FMNL2: variants seen among roughly 807,000 people sequenced by gnomAD.
FMNL2 encodes formin-like protein 2.
A neutral mutation model predicts 130.2 loss-of-function variants in FMNL2; 51 were observed. The ratio of observed to expected loss-of-function variants is 0.39; its 90% CI spans 0.31 to 0.49. The LOEUF (loss-of-function observed/expected upper bound fraction) is 0.49. Among genes scored for constraint, FMNL2 ranks in the 20% least tolerant of loss-of-function variants. The probability of loss-of-function intolerance (pLI) is 0.85; values close to 1 mark genes in which losing one functional copy is unlikely to be tolerated. For missense variants in FMNL2, 977 were observed against 1,316.2 expected (o/e 0.74, Z 3.99); for synonymous variants, 465 against 467.1 (o/e 1.00, Z 0.06).
intron 1 of FMNL2, among the ~76,000 whole-genome samples, chr2:152,373,414 C>A (rs538512735): frequency 2.7e-4 from 41 of 152,132 alleles, no homozygotes; most frequent in African/African-American, 9.4e-4. Context: ...TTCTGAAGCA[C>A]TTTAGTTCAA....
chr2:152,564,084 C>T (rs11891914), intron 6 of FMNL2, among the ~76,000 whole-genome samples: 1,793 of 152,154 alleles, frequency 0.012, 27 homozygotes, highest in African/African-American at 0.038. Flanking sequence ...CTTTGATACA[C>T]TCTGTTATCA....
At chr2:152,518,847 A>G (rs186593954) in intron 1 of FMNL2, among the ~76,000 whole-genome samples, 75 of 152,222 alleles carry the variant, frequency 4.9e-4, no homozygotes, top group African/African-American at 1.8e-3. Context: ...TCCTCATAGC[A>G]CCTATTGTTA....
At chr2:152,453,116 C>T (rs1688738748) in intron 1 of FMNL2, among the ~76,000 whole-genome samples, 1 of 151,238 alleles carries the variant, frequency 6.6e-6, no homozygotes, top group Non-Finnish European at 1.5e-5. Context: ...GCAGGAGAAT[C>T]ACTTGAACCC....
At chr2:152,575,272 A>G in intron 7 of FMNL2, 28 bp downstream of exon 7, 1 of 1,438,506 alleles carries the variant, frequency 7.0e-7, no homozygotes, top group Non-Finnish European at 9.6e-7. Flanking sequence ...GTTCTTTTAA[A>G]AAAAACCTGA....
intron 1 of FMNL2, among the ~76,000 whole-genome samples, chr2:152,437,169 C>G (rs1225746357): frequency 6.6e-6 from 1 of 152,086 alleles, no homozygotes; most frequent in Non-Finnish European, 1.5e-5. Context: ...TCCCAGAGGC[C>G]CCATCTCAAA....
At chr2:152,512,100 T>C (rs1309362769) in intron 1 of FMNL2, among the ~76,000 whole-genome samples, 15 of 152,198 alleles carry the variant, frequency 9.9e-5, no homozygotes. Flanking sequence ...AGGAGTTTTC[T>C]AGCATCTCAA....
intron 1 of FMNL2, among the ~76,000 whole-genome samples, chr2:152,480,421 G>C (rs188150529): frequency 6.6e-6 from 1 of 151,972 alleles, no homozygotes; most frequent in Non-Finnish European, 1.5e-5. Flanking sequence ...ACCTGCGGTC[G>C]GAGTCCAGAA....
At chr2:152,423,216 A>G (rs1341009930) in intron 1 of FMNL2, among the ~76,000 whole-genome samples, 2 of 152,226 alleles carry the variant, frequency 1.3e-5, no homozygotes, top group African/African-American at 4.8e-5. Context: ...TAATCAAACA[A>G]TATAGCACTC....
intron 1 of FMNL2, among the ~76,000 whole-genome samples, chr2:152,498,744 T>C (rs1050522448): frequency 5.9e-5 from 9 of 152,194 alleles, no homozygotes; most frequent in Non-Finnish European, 1.3e-4. Flanking sequence ...CACCACCCTT[T>C]TTCTTTAAAA....
intron 10 of FMNL2, among the ~76,000 whole-genome samples, chr2:152,610,827 T>A (rs1698636446): frequency 6.6e-6 from 1 of 152,260 alleles, no homozygotes; most frequent in Non-Finnish European, 1.5e-5. Flanking sequence ...CTGGGTCATA[T>A]GATAATGCTG....
intron 1 of FMNL2, among the ~76,000 whole-genome samples, chr2:152,416,627 G>A (rs572223506): frequency 6.6e-6 from 1 of 152,326 alleles, no homozygotes; most frequent in African/African-American, 2.4e-5. Context: ...ACAGTTGAAA[G>A]TGCCTGAATC....
rs1441056705 is a variant in FMNL2 at position 152,464,966 on chromosome 2, C to T, written c.118-56977C>T. On this transcript the variant is annotated intron_variant, in intron 1 of 25. Transcript: ENST00000288670. ...CCATCTAGCTTCCCTCTGCTAGGCA[C>T]GAGATGTACAAAGGTTTAAAAAGAG... Among the ~76,000 whole-genome samples the T allele has an allele frequency of 2.6e-5, 4 of 152,228 alleles. No individual in the cohort carries two copies. The East Asian group carries it at 5.8e-4, about 22-fold the overall frequency.
At chr2:152,361,149 G>A (rs6732842) in intron 1 of FMNL2, among the ~76,000 whole-genome samples, 150,507 of 152,298 alleles carry the variant, frequency 0.99, 74,393 homozygotes, top group Middle Eastern at 1. Flanking sequence ...TATATGGAAA[G>A]TACTACATTT....
At chr2:152,389,528 T>A (rs866783377) in intron 1 of FMNL2, among the ~76,000 whole-genome samples, 4 of 152,214 alleles carry the variant, frequency 2.6e-5, no homozygotes, top group Non-Finnish European at 5.9e-5. Flanking sequence ...TGTCTTCAGA[T>A]AATTAGATCT....
intron 9 of FMNL2, among the ~76,000 whole-genome samples, chr2:152,587,956 A>G (rs1456217930): frequency 1.3e-5 from 2 of 152,224 alleles, no homozygotes; most frequent in Admixed American, 6.5e-5. Flanking sequence ...GGAACAGCTG[A>G]CCAAGACAAA....
At chr2:152,459,678 TGTAAATAAAA>T (rs1689139975) in intron 1 of FMNL2, among the ~76,000 whole-genome samples, 1 of 152,180 alleles carries the variant, frequency 6.6e-6, no homozygotes. Flanking sequence ...TTCTACCTAT[TGTAAATAAAA>T]GAAGTTAATC....
rs912366352 is a variant in FMNL2 at position 152,550,503 on chromosome 2, A to G, written c.359+1406A>G. ...AGATTAAAAGAATTAAAGACCAGAG[A>G]AGGTGAGTGAATTGCACAAAGTCTA... is the stretch of plus-strand genomic sequence containing the variant. On this transcript the variant is annotated intron_variant, in intron 4 of 25. Coordinates refer to ENST00000288670, the MANE Select transcript of FMNL2 (RefSeq NM_052905.4). Among the ~76,000 whole-genome samples, 7 of 152,214 alleles carry G rather than the reference A, an allele frequency of 4.6e-5. No homozygotes were observed. The East Asian group carries it at 1.3e-3, about 29-fold the overall frequency.
At chr2:152,629,804 T>C in intron 19 of FMNL2, 21 bp from the exon 20 acceptor site, 1 of 1,611,328 alleles carries the variant, frequency 6.2e-7, no homozygotes, top group South Asian at 1.1e-5. Context: ...GATGGGCTTC[T>C]GTTTTCACCT....
At chr2:152,637,733 G>A (rs1482507568) in intron 23 of FMNL2, 59 bp downstream of exon 23, 3 of 1,479,226 alleles carry the variant, frequency 2.0e-6, no homozygotes, top group East Asian at 2.3e-5. Context: ...CTTGAGATGT[G>A]TCTGAGTCCC....
Sources: allele counts gnomAD v4.1 joint callset (sites outside exome capture counted in the v4.1 genomes callset), GRCh38; gene constraint gnomAD v4.1.1; transcripts MANE v1.5; gene names NCBI Gene and HGNC (gene_info 2026-07-23, HGNC 2026-07-21).